The following MYO1D variants were observed in gnomAD, a reference collection of about 807,000 sequenced individuals.
MYO1D encodes the protein myosin ID.
Under a neutral mutation model 122.0 loss-of-function variants are expected in MYO1D, and 83 were observed. The observed-to-expected ratio is 0.68, with a 90% CI of 0.57 to 0.82. The LOEUF (loss-of-function observed/expected upper bound fraction) is 0.82, where lower values mean the gene tolerates loss of function less well. MYO1D is among the 40% of genes least tolerant of loss of function. The probability of loss-of-function intolerance (pLI) is 0.00; values close to 1 mark genes in which losing one functional copy is unlikely to be tolerated. For synonymous variants in MYO1D, 464 were observed against 446.9 expected (o/e 1.04, Z -0.48); for missense variants, 1,157 against 1,269.5 (o/e 0.91, Z 1.35).
chr17:32,743,610 A>G (rs1046516863), intron 13 of MYO1D, among the ~76,000 whole-genome samples: 3 of 148,230 alleles, frequency 2.0e-5, no homozygotes, highest in Non-Finnish European at 3.0e-5. Flanking sequence ...TATTATTATT[A>G]TTGTTATTAT....
chr17:32,600,000 C>T (rs562536681), intron 21 of MYO1D, among the ~76,000 whole-genome samples: 1 of 152,304 alleles, frequency 6.6e-6, no homozygotes, highest in East Asian at 1.9e-4. Context: ...GAAATTACTC[C>T]TTTATCCACG....
chr17:32,548,490 A>AC (rs1162116180), intron 21 of MYO1D, among the ~76,000 whole-genome samples: 3 of 151,886 alleles, frequency 2.0e-5, no homozygotes, highest in African/African-American at 7.3e-5. Context: ...AGGAGGGAAA[A>AC]TGAGAAGGGG....
At chr17:32,785,374 C>G (rs962576825) in intron 1 of MYO1D, among the ~76,000 whole-genome samples, 1 of 152,160 alleles carries the variant, frequency 6.6e-6, no homozygotes, top group African/African-American at 2.4e-5. Context: ...AAGTATTATT[C>G]ATTTACTTGA....
rs555967611 is a variant in MYO1D, at chr17:32,757,098, C to T, written c.1297-1436G>A. On this transcript the variant is annotated intron_variant, in intron 10 of 21. Coordinates refer to ENST00000318217, the MANE Select transcript of MYO1D (RefSeq NM_015194.3). ...GTCTATATACTCATAATAGACCATT[C>T]AAGTGACTCATGTATTCCCATTTCA... Among the ~76,000 whole-genome samples, 309 of 152,284 alleles carry T rather than the reference C, an allele frequency of 2.0e-3. 3 individuals are homozygous for T. The highest frequency in any genetic ancestry group is 7.2e-3 in the African/African-American group (301 of 41,560).
At chr17:32,623,430 T>C (rs879444529) in intron 20 of MYO1D, among the ~76,000 whole-genome samples, 59 of 152,186 alleles carry the variant, frequency 3.9e-4, no homozygotes, top group Non-Finnish European at 7.5e-4. Context: ...GGTATGTGTG[T>C]GGTAGTGGTG....
At chr17:32,587,543 ATGG>A (rs2087400688) in intron 21 of MYO1D, among the ~76,000 whole-genome samples, 1 of 151,924 alleles carries the variant, frequency 6.6e-6, no homozygotes, top group African/African-American at 2.4e-5. Flanking sequence ...CACTTGCCAA[ATGG>A]TGAATTCACC....
In MYO1D at chr17:32,605,071, A is replaced by G. The variant is rs1285078104; in HGVS notation, c.2864+16T>C. ...TAGATTTAAAACGTGTCTTAGTTAC[A>G]AAAATCAAACTTTACCTCTTGAAAT... is the stretch of plus-strand genomic sequence containing the variant. On this transcript the variant is annotated intron_variant, in intron 21 of 21. Transcript: ENST00000318217. 2 of 1,562,204 alleles carry G rather than the reference A, an allele frequency of 1.3e-6. No homozygotes were observed. Among genetic ancestry groups the G allele is most frequent in the Admixed American group, 3.5e-5 (2 of 57,828 alleles).
Position 32,673,422 on chromosome 17 carries a change from A to G in MYO1D, c.2122-14084T>C, listed in dbSNP as rs2150961833. 2.0e-5 allele frequency among the ~76,000 whole-genome samples: 3 copies of G among 152,220 alleles called. No homozygotes were observed. The Middle Eastern group carries it at 0.01, about 518-fold the overall frequency. The stretch of plus-strand genomic sequence containing the variant: ...CCCCGCCAACATGCTACATTTTTTA[A>G]TAAGAGAATGAAATCACAGTTTGGG... On this transcript the variant is annotated intron_variant, in intron 16 of 21. Transcript: ENST00000318217.
At chr17:32,753,958 T>G (rs1180974438) in intron 11 of MYO1D, among the ~76,000 whole-genome samples, 1 of 152,032 alleles carries the variant, frequency 6.6e-6, no homozygotes, top group Non-Finnish European at 1.5e-5. Flanking sequence ...ACACATTTAA[T>G]TCAGGTATAT....
At chr17:32,541,828 T>C (rs1910845602) in intron 21 of MYO1D, among the ~76,000 whole-genome samples, 1 of 152,112 alleles carries the variant, frequency 6.6e-6, no homozygotes, top group East Asian at 1.9e-4. Flanking sequence ...GTAACTCTCC[T>C]CCAGGGTGCT....
chr17:32,764,888 G>T lies in MYO1D; in HGVS notation c.1025C>A (p.Ala342Asp). The T allele has an allele frequency of 6.2e-7, 1 of 1,614,044 alleles. No individual in the cohort carries two copies. Among genetic ancestry groups the T allele is most frequent in the Non-Finnish European group, 8.5e-7 (1 of 1,180,018 alleles). The change falls in exon 8 of 22, where the codon GCC becomes GAC. Residue 342 changes from alanine (A) to aspartate (D), a missense_variant. Physicochemically the swap from Ala to Asp is moderately radical, Grantham distance 126. Coordinates refer to ENST00000318217, the MANE Select transcript of MYO1D (RefSeq NM_015194.3). ...TEQEASYGRD[A>D]FAKAIYERLF... ...CAGTTACACTCTCACCTTGGCAAAG[G>T]CGTCTCTGCCGTAGCTGGCCTCTTG...
chr17:32,525,185 T>C (rs540347081), intron 21 of MYO1D, among the ~76,000 whole-genome samples: 1 of 152,366 alleles, frequency 6.6e-6, no homozygotes, highest in East Asian at 1.9e-4. Context: ...TAGGATTTAT[T>C]TGGCTGTCAG....
intron 21 of MYO1D, among the ~76,000 whole-genome samples, chr17:32,533,798 C>T (rs948474424): frequency 6.6e-6 from 1 of 151,970 alleles, no homozygotes; most frequent in Non-Finnish European, 1.5e-5. Flanking sequence ...CTTCTTTGCC[C>T]GTACCCTATT....
At chr17:32,496,578 G>A (rs1391400288) in intron 21 of MYO1D, among the ~76,000 whole-genome samples, 5 of 152,186 alleles carry the variant, frequency 3.3e-5, no homozygotes, top group Non-Finnish European at 5.9e-5. Flanking sequence ...GGTCCAGGTG[G>A]GGCCCCTGCA....
At chr17:32,751,815 T>C (rs987864222) in intron 11 of MYO1D, among the ~76,000 whole-genome samples, 1 of 152,124 alleles carries the variant, frequency 6.6e-6, no homozygotes, top group African/African-American at 2.4e-5. Flanking sequence ...TGCTCATGGA[T>C]TGGAAGAATT....
chr17:32,756,288 T>C (rs1344261603), intron 10 of MYO1D: 1 of 226,998 alleles, frequency 4.4e-6, no homozygotes, highest in East Asian at 6.3e-5. Context: ...ACTGTAGTGT[T>C]TGGCAGAGTT....
chr17:32,494,979 G>A (rs990472877), intron 21 of MYO1D, 64 bp from the exon 22 acceptor site: 14 of 1,477,638 alleles, frequency 9.5e-6, no homozygotes, highest in Non-Finnish European at 1.0e-5. Context: ...GCACCTGCCC[G>A]GCAGCTCCCG....
In MYO1D at chr17:32,840,355, T is replaced by C. The variant is rs573552184; in HGVS notation, c.95+36423A>G. 1.1e-4 allele frequency among the ~76,000 whole-genome samples: 16 copies of C among 152,156 alleles called. 3 individuals carry two copies. The highest frequency in any genetic ancestry group is 3.4e-4 in the African/African-American group (14 of 41,496). On this transcript the variant is annotated intron_variant, in intron 1 of 21. Coordinates refer to ENST00000318217, the MANE Select transcript of MYO1D (RefSeq NM_015194.3). ...TTCTGGAACAGAGCTTTTCTCAACG[T>C]GGGAGTGATTTACAAGTATGACCTC...
intron 6 of MYO1D, 50 bp from the exon 7 acceptor site, chr17:32,767,802 TA>T (rs1458291072): frequency 7.4e-7 from 1 of 1,345,350 alleles, no homozygotes. Flanking sequence ...CTATGAGCAT[TA>T]AAATTCAACA....
Sources: gnomAD v4.1 joint callset for allele counts (sites outside exome capture counted in the v4.1 genomes callset) on GRCh38, gnomAD v4.1.1 for gene constraint, MANE v1.5 for transcripts, NCBI Gene and HGNC (gene_info 2026-07-23, HGNC 2026-07-21) for gene names.